SRFBP1: variants seen among roughly 807,000 people sequenced by gnomAD.
The protein encoded by SRFBP1 is serum response factor binding protein 1, also known as serum response factor-binding protein 1.
Under a neutral mutation model 45.5 loss-of-function variants are expected in SRFBP1, and 47 were observed. That is an observed-to-expected ratio of 1.03 (90% CI 0.82 to 1.32). The LOEUF is 1.32. SRFBP1 is among the 40% of genes most tolerant of loss of function. The probability of loss-of-function intolerance (pLI) is 0.00; values close to 1 mark genes in which losing one functional copy is unlikely to be tolerated. For missense variants in SRFBP1, 621 were observed against 484.6 expected (o/e 1.28, Z -2.64); for synonymous variants, 203 against 166.3 (o/e 1.22, Z -1.70).
At position 121,987,078 on chromosome 5, in the gene SRFBP1, C is replaced by T. The variant is rs568292719; in HGVS notation, c.199-7521C>T. ...GGTGATATAATGGGCCTTGGAGTTA[C>T]TCATCCTCGAGTCTGGAAAACCAAT... On this transcript the variant is annotated intron_variant, in intron 3 of 7. Transcript: ENST00000339397. 5.3e-5 allele frequency among the ~76,000 whole-genome samples: 8 copies of T among 152,222 alleles called. No homozygotes were observed. The South Asian group carries it at 1.7e-3, about 32-fold the overall frequency.
At chr5:122,051,032 T>G (rs1753964653) in intron 2 of SRFBP1, among the ~76,000 whole-genome samples, 1 of 152,210 alleles carries the variant, frequency 6.6e-6, no homozygotes, top group Admixed American at 6.5e-5. Flanking sequence ...CAGGAGCAGG[T>G]TATTTATTTC....
At chr5:121,990,058 G>A (rs1752589997) in intron 3 of SRFBP1, among the ~76,000 whole-genome samples, 2 of 152,026 alleles carry the variant, frequency 1.3e-5, no homozygotes, top group Admixed American at 6.6e-5. Flanking sequence ...ATTCAACCCA[G>A]GAATACCACT....
At chr5:121,981,357 G>T (rs1183891621) in intron 3 of SRFBP1, among the ~76,000 whole-genome samples, 1 of 151,938 alleles carries the variant, frequency 6.6e-6, no homozygotes, top group African/African-American at 2.4e-5. Context: ...AAATGAGCAC[G>T]TTTAAAAACA....
intron 4 of SRFBP1, among the ~76,000 whole-genome samples, chr5:122,005,834 G>A (rs1422480144): frequency 6.6e-6 from 1 of 151,966 alleles, no homozygotes; most frequent in Non-Finnish European, 1.5e-5. Context: ...CCTGCATTTA[G>A]GTGTTATAAT....
rs1752255751 is a variant in SRFBP1 at position 121,974,213 on chromosome 5, AGAAGT to A, written c.59_63del (p.Val20GlufsTer24). The A allele has an allele frequency of 6.2e-7, 1 of 1,610,966 alleles. No homozygotes were observed. Among genetic ancestry groups the A allele is most frequent in the East Asian group, 2.2e-5 (1 of 44,756 alleles). On this transcript the variant is annotated frameshift_variant, in exon 2 of 8. Coordinates refer to ENST00000339397, the MANE Select transcript of SRFBP1 (RefSeq NM_152546.3). LOFTEE classifies it high-confidence loss of function. ...CTTCAAAGGTTGTGAAGATGAGAAA[AGAAGT>A]GAAGAGAATTCGAGTTTTAGTTATC...
chr5:122,019,707 A>T (rs1753263235), intron 5 of SRFBP1, among the ~76,000 whole-genome samples: 1 of 151,306 alleles, frequency 6.6e-6, no homozygotes, highest in Non-Finnish European at 1.5e-5. Context: ...ATAAAATGAA[A>T]TTTTTTTGTC....
At chr5:122,047,581 A>G (rs1304818514) in intron 2 of SRFBP1, among the ~76,000 whole-genome samples, 1 of 152,142 alleles carries the variant, frequency 6.6e-6, no homozygotes, top group Non-Finnish European at 1.5e-5. Context: ...CAATTCTGTG[A>G]AGAAAGTCAT....
At chr5:121,983,213 A>T (rs1752447224) in intron 3 of SRFBP1, among the ~76,000 whole-genome samples, 1 of 151,678 alleles carries the variant, frequency 6.6e-6, no homozygotes, top group Non-Finnish European at 1.5e-5. Context: ...ATTTTCAAAC[A>T]AAAAGCTTTT....
At chr5:122,009,133 A>AAT (rs1256903803) in intron 4 of SRFBP1, among the ~76,000 whole-genome samples, 19 of 152,046 alleles carry the variant, frequency 1.2e-4, no homozygotes, top group African/African-American at 3.9e-4. Flanking sequence ...ATAATACCTA[A>AAT]ATTTAATTTG....
In SRFBP1 at chr5:121,996,252, C is replaced by T. The variant is rs1245786385; in HGVS notation, c.270+1582C>T. 2.3e-5 allele frequency among the ~76,000 whole-genome samples: 3 copies of T among 128,638 alleles called. No homozygotes were observed. In the East Asian group the frequency reaches 6.8e-4, roughly 29 times the overall value. 84.4% of individuals were successfully genotyped at this position (128,638 alleles called of 152,430 possible). ...CCAATATCCTTGATGAACATTGATG[C>T]AAAAATCCTCAATAAAATACTGGCA... is the stretch of plus-strand genomic sequence containing the variant. On this transcript the variant is annotated intron_variant, in intron 4 of 7. Transcript: ENST00000339397.
At chr5:122,046,199 C>T (rs541498371) in intron 2 of SRFBP1, among the ~76,000 whole-genome samples, 4 of 152,072 alleles carry the variant, frequency 2.6e-5, no homozygotes, top group Non-Finnish European at 5.9e-5. Context: ...CCTCCACCCC[C>T]CCTCACCCCA....
chr5:122,073,884 G>T, intron 2 of SRFBP1: 2 of 833,106 alleles, frequency 2.4e-6, no homozygotes, highest in Non-Finnish European at 1.9e-6. Flanking sequence ...TTTTCTTTGA[G>T]AACAGTCTCT....
chr5:122,016,655 C>G (rs994618756), intron 4 of SRFBP1, among the ~76,000 whole-genome samples: 5 of 152,232 alleles, frequency 3.3e-5, no homozygotes, highest in East Asian at 1.9e-4. Flanking sequence ...CATGTTTGAC[C>G]TATGCCTTCA....
intron 7 of SRFBP1, among the ~76,000 whole-genome samples, chr5:122,025,167 T>C (rs1285554811): frequency 6.6e-6 from 1 of 151,984 alleles, no homozygotes; most frequent in Non-Finnish European, 1.5e-5. Context: ...TGTGTCCATG[T>C]GTTCTCATTG....
intron 4 of SRFBP1, among the ~76,000 whole-genome samples, chr5:122,004,202 T>C (rs909139296): frequency 1.3e-5 from 2 of 152,238 alleles, no homozygotes; most frequent in Admixed American, 1.3e-4. Context: ...TATTAGACTC[T>C]TACCAGATGT....
intron 2 of SRFBP1, among the ~76,000 whole-genome samples, chr5:122,048,695 A>G (rs2152576448): frequency 6.6e-6 from 1 of 152,132 alleles, no homozygotes; most frequent in Middle Eastern, 3.4e-3. Context: ...TTGATTGGTA[A>G]GCTATTAATT....
intron 2 of SRFBP1, among the ~76,000 whole-genome samples, chr5:122,043,590 TTGTG>T (rs1404115574): frequency 1.3e-5 from 2 of 152,342 alleles, no homozygotes; most frequent in African/African-American, 2.4e-5. Context: ...TAGGCAACTT[TTGTG>T]TGTGTCACTG....
At chr5:122,050,830 C>G (rs967035952) in intron 2 of SRFBP1, among the ~76,000 whole-genome samples, 2 of 151,862 alleles carry the variant, frequency 1.3e-5, no homozygotes, top group African/African-American at 4.8e-5. Context: ...CTAGTTCTTC[C>G]AGTTGTAATG....
intron 2 of SRFBP1, among the ~76,000 whole-genome samples, chr5:122,034,155 G>T (rs980334661): frequency 5.9e-5 from 9 of 152,080 alleles, no homozygotes; most frequent in Non-Finnish European, 1.3e-4. Flanking sequence ...ATTGTTTTAG[G>T]TGTTTCTCTT....
Sources: gnomAD v4.1 joint callset for allele counts (sites outside exome capture counted in the v4.1 genomes callset) on GRCh38, gnomAD v4.1.1 for gene constraint, MANE v1.5 for transcripts, NCBI Gene and HGNC (gene_info 2026-07-23, HGNC 2026-07-21) for gene names.